SLC25A48: variants seen among roughly 807,000 people sequenced by gnomAD.
SLC25A48 encodes the protein solute carrier family 25 member 48.
A neutral mutation model predicts 32.2 loss-of-function variants in SLC25A48; 29 were observed. The observed-to-expected ratio is 0.90, with a 90% confidence interval of 0.67 to 1.23. The LOEUF is 1.23. Ranked by LOEUF, SLC25A48 falls within the 50% of genes most tolerant of loss-of-function variation. The pLI is 0.00. For missense variants in SLC25A48, 399 were observed against 422.7 expected (o/e 0.94, Z 0.49); for synonymous variants, 164 against 172.3 (o/e 0.95, Z 0.38).
chr5:135,682,811 T>C (rs1200824495), intron 3 of SLC25A48, among the ~76,000 whole-genome samples: 4 of 152,188 alleles, frequency 2.6e-5, no homozygotes, highest in African/African-American at 9.6e-5. Flanking sequence ...GGGGAGGGTA[T>C]GTCAAAATGA....
chr5:135,833,185 G>A (rs1758272507), upstream of SLC25A48, among the ~76,000 whole-genome samples: 1 of 152,264 alleles, frequency 6.6e-6, no homozygotes, highest in Admixed American at 6.5e-5. Context: ...ATGGAGCACA[G>A]TAATTCATTT....
chr5:135,671,451 T>C (rs1753652187), intron 3 of SLC25A48, among the ~76,000 whole-genome samples: 1 of 152,226 alleles, frequency 6.6e-6, no homozygotes, highest in Non-Finnish European at 1.5e-5. Context: ...TAAGTCAATA[T>C]GCTGTATGTG....
upstream of SLC25A48, among the ~76,000 whole-genome samples, chr5:135,833,801 G>A (rs900669475): frequency 1.3e-5 from 2 of 152,306 alleles, no homozygotes; most frequent in East Asian, 1.9e-4. Context: ...ATCAAGCTTC[G>A]GTGGTCAGGC....
intron 1 of SLC25A48, among the ~76,000 whole-genome samples, chr5:135,599,947 C>T (rs1751753892): frequency 6.6e-6 from 1 of 152,122 alleles, no homozygotes; most frequent in African/African-American, 2.4e-5. Flanking sequence ...GGAGTCTATT[C>T]CTGTCTGTCC....
Position 135,723,139 on chromosome 5 carries a change from A to AGCAAGCTCAATTCCAAAGTCTGGC in SLC25A48, c.-521+88186_-521+88209dup, listed in dbSNP as rs1274145911. On this transcript the variant is annotated intron_variant, in intron 3 of 10. Transcript: ENST00000646290. ...AAGCTTCCTGACACAAGAGGCTTCTAGCAAGCTCAATTCCAAAGTCTGGCG... is the reference window on the plus strand; with the variant it reads ...AAGCTTCCTGACACAAGAGGCTTCTAGCAAGCTCAATTCCAAAGTCTGGCGCAAGCTCAATTCCAAAGTCTGGCG... Among the ~76,000 whole-genome samples the AGCAAGCTCAATTCCAAAGTCTGGC allele has an allele frequency of 1.2e-4, 19 of 152,316 alleles. No individual in the cohort carries two copies. The East Asian group carries it at 3.3e-3, about 26-fold the overall frequency.
chr5:135,598,557 G>A (rs13181871), intron 1 of SLC25A48, among the ~76,000 whole-genome samples: 57,942 of 152,064 alleles, frequency 0.38, 11,408 homozygotes, highest in African/African-American at 0.49. Context: ...AGACTGGGAA[G>A]CATAGCCTGT....
At chr5:135,806,100 T>C (rs77293982) in intron 3 of SLC25A48, among the ~76,000 whole-genome samples, 1,819 of 151,844 alleles carry the variant, frequency 0.012, 36 homozygotes, top group African/African-American at 0.042. Flanking sequence ...ACCCTTTGCA[T>C]TCAGCCTTTG....
chr5:135,618,648 A>G (rs970640659), intron 1 of SLC25A48, among the ~76,000 whole-genome samples: 1 of 152,062 alleles, frequency 6.6e-6, no homozygotes, highest in Non-Finnish European at 1.5e-5. Flanking sequence ...CTCTGGGTGT[A>G]GGACTCTTTC....
intron 3 of SLC25A48, among the ~76,000 whole-genome samples, chr5:135,763,754 AACACACACATACAC>A (rs368342935): frequency 7.5e-5 from 11 of 145,940 alleles, no homozygotes; most frequent in East Asian, 2.0e-4. Flanking sequence ...GAGAAATAGG[AACACACACATACAC>A]ACACACACAC....
chr5:135,592,827 CT>C (rs1257288228), intron 1 of SLC25A48, among the ~76,000 whole-genome samples: 2 of 152,166 alleles, frequency 1.3e-5, no homozygotes, highest in African/African-American at 4.8e-5. Context: ...ACATCTGTGG[CT>C]TTCAGAAACT....
At chr5:135,836,532 T>C (rs1187461890) in intron 1 of SLC25A48, among the ~76,000 whole-genome samples, 1 of 152,234 alleles carries the variant, frequency 6.6e-6, no homozygotes, top group African/African-American at 2.4e-5. Context: ...CAATGTCTTT[T>C]AGTAATTTTA....
intron 3 of SLC25A48, among the ~76,000 whole-genome samples, chr5:135,776,779 C>T (rs55638006): frequency 0.4 from 60,955 of 151,358 alleles, 14,161 homozygotes; most frequent in Non-Finnish European, 0.52. Flanking sequence ...AGGGGTTGTA[C>T]GCATTTCTGG....
intron 5 of SLC25A48, among the ~76,000 whole-genome samples, chr5:135,873,179 G>A (rs1445520261): frequency 6.6e-6 from 1 of 152,172 alleles, no homozygotes; most frequent in Non-Finnish European, 1.5e-5. Flanking sequence ...GGGGACCAGA[G>A]GCCAGGATAG....
chr5:135,624,310 A>T (rs1385957134), intron 1 of SLC25A48, among the ~76,000 whole-genome samples: 3 of 152,198 alleles, frequency 2.0e-5, no homozygotes, highest in Admixed American at 2.0e-4. Flanking sequence ...CAAGTGGGAC[A>T]TGCAGGACCT....
At chr5:135,864,874 T>C (rs1761070934) in intron 4 of SLC25A48, among the ~76,000 whole-genome samples, 1 of 152,252 alleles carries the variant, frequency 6.6e-6, no homozygotes. Context: ...GTATTGGTCA[T>C]TCTTGGCCCC....
At chr5:135,874,679 G>A (rs1032452202) in intron 6 of SLC25A48, 7 of 701,928 alleles carry the variant, frequency 1.0e-5, no homozygotes, top group Non-Finnish European at 1.3e-5. Context: ...CCTCCAACAC[G>A]TTTCCCTGGG....
At chr5:135,586,204 G>C (rs1339172628) in intron 1 of SLC25A48, among the ~76,000 whole-genome samples, 1 of 152,148 alleles carries the variant, frequency 6.6e-6, no homozygotes, top group Non-Finnish European at 1.5e-5. Flanking sequence ...TGCCTCCCAG[G>C]AGGAGGGTGG....
Position 135,848,509 on chromosome 5 carries a change from C to T in SLC25A48, c.91-1916C>T, listed in dbSNP as rs74963647. Reference sequence around the variant, plus strand: ...GCTGCATTTTCCAGGGAGTCTCCCCCACTGAATTTAAAATTACCTTTTCCT... The same window carrying T: ...GCTGCATTTTCCAGGGAGTCTCCCCTACTGAATTTAAAATTACCTTTTCCT... On this transcript the variant is annotated intron_variant, in intron 2 of 7. Coordinates refer to ENST00000681962, the MANE Select transcript of SLC25A48 (RefSeq NM_001349336.2). Among the ~76,000 whole-genome samples, 61 of 152,358 alleles carry T rather than the reference C, an allele frequency of 4.0e-4. 1 individual carries two copies. The East Asian group carries it at 0.01, about 26-fold the overall frequency.
At chr5:135,862,048 A>G (rs961936915) in intron 4 of SLC25A48, among the ~76,000 whole-genome samples, 2 of 152,232 alleles carry the variant, frequency 1.3e-5, no homozygotes, top group Non-Finnish European at 2.9e-5. Flanking sequence ...TCCTTTTAAA[A>G]TCACTGCCCT....
Sources: gnomAD v4.1 joint callset for allele counts (sites outside exome capture counted in the v4.1 genomes callset) on GRCh38, gnomAD v4.1.1 for gene constraint, MANE v1.5 for transcripts, NCBI Gene and HGNC (gene_info 2026-07-23, HGNC 2026-07-21) for gene names.